MYLK3: variants seen among roughly 807,000 people sequenced by gnomAD.
The protein encoded by MYLK3 is myosin light chain kinase 3, also known as MLC kinase.
MYLK3 carries 55 observed loss-of-function variants against 76.3 expected under a neutral mutation model. The observed-to-expected ratio is 0.72, with a 90% CI of 0.58 to 0.90. MYLK3 has a LOEUF of 0.90. Ranked by LOEUF, MYLK3 falls within the 40% of genes least tolerant of loss-of-function variation. MYLK3 has a pLI of 0.00. For missense variants in MYLK3, 973 were observed against 1,053.6 expected, an observed-to-expected ratio of 0.92 and a Z score of 1.06; for synonymous variants, 416 against 425.4, an observed-to-expected ratio of 0.98 and a Z score of 0.27.
rs753729564 is a variant in MYLK3, at chr16:46,738,017, G to A, written c.695C>T (p.Pro232Leu). The change falls in exon 3 of 13, where the codon CCA becomes CTA. Residue 232 changes from proline to leucine, a missense_variant. Transcript: ENST00000394809. ...CAGGTGGCCAGGGAATGCCTGGGCTGGGCCAGGAACACCATCTCCCTGGCC... is the reference window on the plus strand; with the variant it reads ...CAGGTGGCCAGGGAATGCCTGGGCTAGGCCAGGAACACCATCTCCCTGGCC... ...SPGQGDGVPGPAQAFPGHLPL... is the reference protein window; with the variant it reads ...SPGQGDGVPGLAQAFPGHLPL... 6.2e-7 allele frequency: 1 copy of A among 1,613,174 alleles called. No homozygotes were observed. Among genetic ancestry groups the A allele is most frequent in the African/African-American group, 1.3e-5 (1 of 75,058 alleles).
At position 46,740,552 on chromosome 16, in the gene MYLK3, T is replaced by TATATATA. The variant is rs56281590; in HGVS notation, c.478-406_478-405insTATATAT. 2.6e-3 allele frequency among the ~76,000 whole-genome samples: 234 copies of TATATATA among 91,520 alleles called. 1 individual carries two copies. Among genetic ancestry groups the TATATATA allele is most frequent in the Non-Finnish European group, 1.7e-3 (79 of 46,760 alleles). 60.0% of individuals were successfully genotyped at this position (91,520 alleles called of 152,430 possible). On this transcript the variant is annotated intron_variant, in intron 1 of 12. Coordinates refer to ENST00000394809, the MANE Select transcript of MYLK3 (RefSeq NM_182493.3). Reference sequence around the variant, plus strand: ...ATATACATACATATATATATATATATTTTTTTTTTTTTTTTTTGAGACAAG... The same window carrying TATATATA: ...ATATACATACATATATATATATATATATATATATTTTTTTTTTTTTTTTTGAGACAAG...
intron 9 of MYLK3, among the ~76,000 whole-genome samples, chr16:46,716,752 A>G (rs1483297709): frequency 6.6e-6 from 1 of 152,184 alleles, no homozygotes; most frequent in African/African-American, 2.4e-5. Context: ...GCTAAGAAAA[A>G]GACAGGCCTT....
chr16:46,737,679 T>C (rs1334092227), intron 3 of MYLK3, 32 bp downstream of exon 3: 1 of 1,563,700 alleles, frequency 6.4e-7, no homozygotes, highest in Non-Finnish European at 8.7e-7. Flanking sequence ...GTCCATCCCC[T>C]CCCTCACCCA....
chr16:46,710,834 G>A, intron 10 of MYLK3, 45 bp from the exon 11 acceptor site: 2 of 1,610,338 alleles, frequency 1.2e-6, no homozygotes, highest in Non-Finnish European at 1.7e-6. Context: ...GGCCACATTT[G>A]CCAACATGCA....
At chr16:46,724,294 T>G (rs1966828803) in intron 8 of MYLK3, among the ~76,000 whole-genome samples, 1 of 152,154 alleles carries the variant, frequency 6.6e-6, no homozygotes, top group Non-Finnish European at 1.5e-5. Context: ...AGTATGAGAT[T>G]TTTTTCATTT....
chr16:46,714,223 C>A (rs1966714302), intron 9 of MYLK3, among the ~76,000 whole-genome samples: 1 of 152,154 alleles, frequency 6.6e-6, no homozygotes, highest in African/African-American at 2.4e-5. Context: ...CATCTCTTTC[C>A]CTCCTCCCAA....
At chr16:46,759,346 A>C (rs1208705453) in intron 1 of MYLK3, among the ~76,000 whole-genome samples, 1 of 152,268 alleles carries the variant, frequency 6.6e-6, no homozygotes, top group East Asian at 1.9e-4. Flanking sequence ...CCATTCATCC[A>C]TCCATCCATT....
In MYLK3 at chr16:46,710,692, C is replaced by T. The variant is rs1218744680; in HGVS notation, c.2212G>A (p.Gly738Arg). The change falls in exon 11 of 13, where the codon GGG becomes AGG. Residue 738 changes from glycine (G) to arginine (R), a missense_variant. This residue lies in a region of MYLK3 where 332 missense variants were observed against 416.6 expected (regional missense o/e 0.80). Transcript: ENST00000394809. ...SWDFDADTFEGLSEEAKDFVS... is the reference protein window; with the variant it reads ...SWDFDADTFERLSEEAKDFVS... Reference sequence around the variant, plus strand: ...AAGTCCTTGGCCTCCTCCGAGAGCCCTTCAAAGGTGTCAGCATCAAAATCC... The same window carrying T: ...AAGTCCTTGGCCTCCTCCGAGAGCCTTTCAAAGGTGTCAGCATCAAAATCC... The T allele has an allele frequency of 1.2e-6, 2 of 1,614,182 alleles. No homozygotes were observed.
intron 8 of MYLK3, among the ~76,000 whole-genome samples, chr16:46,723,380 C>T (rs557640328): frequency 4.6e-5 from 7 of 152,162 alleles, no homozygotes; most frequent in South Asian, 2.1e-4. Context: ...TTTGTTTATC[C>T]GTTAACTAAT....
chr16:46,744,270 G>A (rs1596771559), intron 1 of MYLK3, among the ~76,000 whole-genome samples: 1 of 142,398 alleles, frequency 7.0e-6, no homozygotes, highest in African/African-American at 2.6e-5. Context: ...CTGACCTCGT[G>A]ATCTGCCCAC....
At chr16:46,744,005 TG>T (rs368361350) in intron 1 of MYLK3, among the ~76,000 whole-genome samples, 1 of 152,338 alleles carries the variant, frequency 6.6e-6, no homozygotes, top group Non-Finnish European at 1.5e-5. Flanking sequence ...TTGTCTTATC[TG>T]GGTCTGATAC....
chr16:46,756,498 GACGGGTTATCCAGA>G (rs1567294401), intron 1 of MYLK3, among the ~76,000 whole-genome samples: 1 of 152,234 alleles, frequency 6.6e-6, no homozygotes, highest in African/African-American at 2.4e-5. Flanking sequence ...CAGGACAGGA[GACGGGTTATCCAGA>G]ACCTAAGGAC....
At chr16:46,730,814 G>C in intron 4 of MYLK3, 116 bp from the exon 5 acceptor site, 3 of 817,258 alleles carry the variant, frequency 3.7e-6, no homozygotes, top group Non-Finnish European at 6.1e-6. Context: ...GTACAGCCCT[G>C]GTATTTGAAA....
At position 46,727,609 on chromosome 16, in the gene MYLK3, C is replaced by T. The variant is rs145922386; in HGVS notation, c.1773-232G>A. The stretch of plus-strand genomic sequence containing the variant: ...TGGCGCGATCTCTGCTCACTGCAAC[C>T]TCCGTCTCCTGGGTTCAAGTGATTC... On this transcript the variant is annotated intron_variant, in intron 7 of 12. Transcript: ENST00000394809. Among the ~76,000 whole-genome samples, 145 of 152,326 alleles carry T rather than the reference C, an allele frequency of 9.5e-4. 1 individual carries two copies. The highest frequency in any genetic ancestry group is 3.3e-3 in the African/African-American group (138 of 41,566).
At chr16:46,721,061 C>T (rs562715032) in intron 9 of MYLK3, 62 bp downstream of exon 9, 3 of 1,438,512 alleles carry the variant, frequency 2.1e-6, no homozygotes, top group African/African-American at 1.4e-5. Context: ...AGTAACCATG[C>T]CCAGAGAGCC....
chr16:46,735,844 G>A (rs914658411), intron 3 of MYLK3, among the ~76,000 whole-genome samples: 2 of 152,146 alleles, frequency 1.3e-5, no homozygotes, highest in African/African-American at 4.8e-5. Flanking sequence ...TCACTTCCAG[G>A]GGCATGAAGT....
chr16:46,727,296 C>T lies in MYLK3; in HGVS notation c.1854G>A (p.Arg618=). 6.2e-7 allele frequency: 1 copy of T among 1,614,132 alleles called. No homozygotes were observed. Among genetic ancestry groups the T allele is most frequent in the Non-Finnish European group, 8.5e-7 (1 of 1,179,976 alleles). Residue 618 remains arginine (R), a synonymous_variant, in exon 8 of 13, where the codon AGG becomes AGA. Transcript: ENST00000394809. ...GGTAATGCACACCCTCACAGATCTG[C>T]CTGGTGAACAGGACCACATCCAGCT... ...LTELDVVLFT[R]QICEGVHYLH...
At chr16:46,714,863 G>A (rs898439659) in intron 9 of MYLK3, among the ~76,000 whole-genome samples, 3 of 152,194 alleles carry the variant, frequency 2.0e-5, no homozygotes, top group African/African-American at 7.2e-5. Flanking sequence ...CTAGATCAGC[G>A]ACTCCCAGTC....
intron 9 of MYLK3, among the ~76,000 whole-genome samples, chr16:46,716,661 A>G (rs535095536): frequency 6.6e-6 from 1 of 151,750 alleles, no homozygotes; most frequent in Admixed American, 6.6e-5. Context: ...GCAGGACTCT[A>G]CTCTGACTGT....
Sources: gnomAD v4.1 joint callset for allele counts (sites outside exome capture counted in the v4.1 genomes callset) on GRCh38, gnomAD v4.1.1 for gene constraint, gnomAD v4.1.1 regional missense constraint, MANE v1.5 for transcripts, NCBI Gene and HGNC (gene_info 2026-07-23, HGNC 2026-07-21) for gene names.